TCF12: variants seen among roughly 807,000 people sequenced by gnomAD.
TCF12 encodes transcription factor 12, also known as DNA-binding protein HTF4.
TCF12 carries 45 observed loss-of-function variants against 86.0 expected under a neutral mutation model. That is an observed-to-expected ratio of 0.52 (90% CI 0.41 to 0.67). The LOEUF is 0.67. Ranked by LOEUF, TCF12 falls within the 30% of genes least tolerant of loss-of-function variation. The pLI, the probability that TCF12 is intolerant of heterozygous loss-of-function variation, is 0.00. For synonymous variants in TCF12, 330 were observed against 299.6 expected (o/e 1.10, Z -1.05); for missense variants, 881 against 859.9 (o/e 1.02, Z -0.31).
intron 3 of TCF12, among the ~76,000 whole-genome samples, chr15:57,025,889 T>G (rs1284678584): frequency 2.0e-5 from 3 of 152,198 alleles, no homozygotes; most frequent in African/African-American, 7.2e-5. Flanking sequence ...TTTTCATACT[T>G]TAAGAGGGTC....
intron 12 of TCF12, among the ~76,000 whole-genome samples, chr15:57,239,508 T>TC (rs2059520423): frequency 1.3e-5 from 1 of 78,650 alleles, no homozygotes; most frequent in Admixed American, 1.5e-4. Context: ...AGAGCAAGAC[T>TC]CCATCTCAAA....
chr15:57,181,830 G>A (rs560823120), intron 6 of TCF12, among the ~76,000 whole-genome samples: 5 of 152,206 alleles, frequency 3.3e-5, no homozygotes, highest in East Asian at 3.8e-4. Context: ...ATAACCTAGG[G>A]CAGTCATCTA....
At chr15:56,987,193 C>T (rs1347995281) in intron 3 of TCF12, among the ~76,000 whole-genome samples, 2 of 151,986 alleles carry the variant, frequency 1.3e-5, no homozygotes, top group Admixed American at 6.6e-5. Flanking sequence ...CTCACTGCAA[C>T]CTCCACCTCC....
intron 3 of TCF12, among the ~76,000 whole-genome samples, chr15:56,991,280 T>C (rs1190654509): frequency 6.6e-6 from 1 of 152,208 alleles, no homozygotes; most frequent in Non-Finnish European, 1.5e-5. Context: ...ATTTCTTTAC[T>C]TTTCCTCCTC....
chr15:56,975,640 T>TGTTC (rs1211820461), intron 3 of TCF12, among the ~76,000 whole-genome samples: 1 of 151,988 alleles, frequency 6.6e-6, no homozygotes, highest in Non-Finnish European at 1.5e-5. Context: ...GGGTTTTTTT[T>TGTTC]GTTTGTTTGT....
intron 3 of TCF12, among the ~76,000 whole-genome samples, chr15:56,924,608 A>G (rs1396274705): frequency 6.6e-6 from 1 of 152,202 alleles, no homozygotes; most frequent in Non-Finnish European, 1.5e-5. Context: ...GTTGAAATTT[A>G]TAATAGCTAT....
chr15:57,120,626 G>A (rs1219332911), intron 5 of TCF12, among the ~76,000 whole-genome samples: 1 of 152,042 alleles, frequency 6.6e-6, no homozygotes, highest in Non-Finnish European at 1.5e-5. Flanking sequence ...TATATTATAT[G>A]GACAATTATA....
intron 16 of TCF12, 146 bp downstream of exon 16, chr15:57,253,614 G>T: frequency 1.1e-6 from 1 of 889,988 alleles, no homozygotes; most frequent in South Asian, 1.7e-5. Flanking sequence ...TGGCAGTAAA[G>T]TATTGGCTAA....
chr15:57,060,971 A>G (rs1398576068), intron 3 of TCF12, among the ~76,000 whole-genome samples: 1 of 152,186 alleles, frequency 6.6e-6, no homozygotes, highest in Non-Finnish European at 1.5e-5. Context: ...CCTTTTACTC[A>G]GAGTCTGGAT....
chr15:56,965,630 T>C (rs369355494), intron 3 of TCF12, among the ~76,000 whole-genome samples: 1 of 152,312 alleles, frequency 6.6e-6, no homozygotes, highest in East Asian at 1.9e-4. Context: ...AAATACAGAA[T>C]TAAGTTCAAA....
At chr15:56,941,419 C>G (rs1171541349) in intron 3 of TCF12, among the ~76,000 whole-genome samples, 6 of 150,256 alleles carry the variant, frequency 4.0e-5, no homozygotes, top group Admixed American at 2.7e-4. Context: ...GTTGCCCAGG[C>G]TGGAGTACAG....
intron 3 of TCF12, among the ~76,000 whole-genome samples, chr15:56,926,356 G>A (rs557622164): frequency 1.3e-5 from 2 of 151,590 alleles, no homozygotes; most frequent in African/African-American, 4.8e-5. Flanking sequence ...TTGATGGGAA[G>A]TAAAATACTG....
intron 6 of TCF12, among the ~76,000 whole-genome samples, chr15:57,171,115 G>A (rs2055459587): frequency 6.6e-6 from 1 of 151,552 alleles, no homozygotes; most frequent in African/African-American, 2.4e-5. Context: ...TAAACATTTT[G>A]GAGAGATCAG....
intron 5 of TCF12, among the ~76,000 whole-genome samples, chr15:57,092,335 T>C (rs1182876301): frequency 5.3e-5 from 8 of 152,234 alleles, no homozygotes; most frequent in African/African-American, 1.9e-4. Context: ...TAAAACATAG[T>C]ATATTTAGAT....
rs750970661 is a variant in TCF12, at chr15:57,192,168, T to C, written c.401T>C (p.Leu134Pro). ...GGCCTTATTTTATAGTCTAGTCTCC[T>C]GAGACAAGATCTGGGGCTTGGGAGC... ...TGLPGCQSSL[L>P]RQDLGLGSPA... Residue 134 changes from leucine (L) to proline (P), a missense_variant, in exon 7 of 21, where the codon CTG (leucine) becomes CCG (proline). Around this residue, in one of 3 missense-constraint regions of TCF12, gnomAD observed 766 missense variants for 718.9 expected, o/e 1.07. Coordinates refer to ENST00000333725, the MANE Select transcript of TCF12 (RefSeq NM_207037.2). The C allele has an allele frequency of 1.9e-6, 3 of 1,613,928 alleles. No individual in the cohort carries two copies. Among genetic ancestry groups the C allele is most frequent in the South Asian group, 1.1e-5 (1 of 91,064 alleles).
intron 16 of TCF12, among the ~76,000 whole-genome samples, chr15:57,254,821 G>T (rs1374176755): frequency 1.5e-5 from 1 of 66,824 alleles, no homozygotes; most frequent in Admixed American, 1.5e-4. Context: ...TCATGCTACT[G>T]CACTCCAGCC....
chr15:57,273,745 C>T (rs1055866712), intron 19 of TCF12, among the ~76,000 whole-genome samples: 3 of 152,132 alleles, frequency 2.0e-5, no homozygotes, highest in African/African-American at 7.2e-5. Flanking sequence ...ACACCCATGT[C>T]AATAAGGTCT....
rs558557661 is a variant in TCF12, at chr15:56,942,627, G to A, written c.148+21529G>A. Among the ~76,000 whole-genome samples the A allele has an allele frequency of 7.0e-5, 8 of 114,726 alleles. No individual in the cohort carries two copies. In the East Asian group the frequency reaches 2.0e-3, roughly 29 times the overall value. 75.3% of individuals were successfully genotyped at this position (114,726 alleles called of 152,430 possible). A position where few individuals can be genotyped will look rare whatever the true frequency, so the allele number is the denominator to read the frequency against. On this transcript the variant is annotated intron_variant, in intron 3 of 20. Coordinates refer to ENST00000333725, the MANE Select transcript of TCF12 (RefSeq NM_207037.2). ...TTAGTGCCTGATGTAAGATGAACAA[G>A]TTGCTTTAGTATCGTATGTGTAACA...
intron 3 of TCF12, among the ~76,000 whole-genome samples, chr15:56,984,652 C>A (rs1288888147): frequency 6.6e-6 from 1 of 152,154 alleles, no homozygotes; most frequent in Non-Finnish European, 1.5e-5. Context: ...AGTAGTTAAG[C>A]ACCCAAAGAA....
Sources: gnomAD v4.1 joint callset for allele counts (sites outside exome capture counted in the v4.1 genomes callset) on GRCh38, gnomAD v4.1.1 for gene constraint, gnomAD v4.1.1 regional missense constraint, MANE v1.5 for transcripts, NCBI Gene and HGNC (gene_info 2026-07-23, HGNC 2026-07-21) for gene names.